The following TMEM245 variants were observed in gnomAD, a reference collection of about 807,000 sequenced individuals.
TMEM245 encodes protein CG-2.
In TMEM245, 69 loss-of-function variants were observed where a neutral mutation model predicts 101.2. The ratio of observed to expected loss-of-function variants is 0.68; its 90% CI spans 0.56 to 0.83. The LOEUF (loss-of-function observed/expected upper bound fraction) is 0.83, where lower values mean the gene tolerates loss of function less well. TMEM245 is among the 40% of genes least tolerant of loss of function. The pLI, the probability that TMEM245 is intolerant of heterozygous loss-of-function variation, is 0.00. For missense variants in TMEM245, 1,075 were observed against 1,092.8 expected, an observed-to-expected ratio of 0.98 and a Z score of 0.23; for synonymous variants, 537 against 449.8, an observed-to-expected ratio of 1.19 and a Z score of -2.45.
intron 7 of TMEM245, among the ~76,000 whole-genome samples, chr9:109,082,662 T>C (rs551550252): frequency 2.0e-4 from 30 of 146,836 alleles, no homozygotes; most frequent in African/African-American, 4.0e-4. Flanking sequence ...TTTTTTTTTT[T>C]CAGAAAAGTC....
chr9:109,090,489 G>A (rs543924848), intron 5 of TMEM245, among the ~76,000 whole-genome samples: 14 of 152,122 alleles, frequency 9.2e-5, no homozygotes, highest in East Asian at 3.9e-4. Context: ...TTGGGAGGCC[G>A]AGATGGGCAG....
chr9:109,084,663 G>A (rs1275021647), intron 7 of TMEM245, among the ~76,000 whole-genome samples: 2 of 152,200 alleles, frequency 1.3e-5, no homozygotes, highest in African/African-American at 4.8e-5. Flanking sequence ...GAGCAACGGA[G>A]CAAGACCCTG....
At position 109,016,067 on chromosome 9, in the gene TMEM245, A is replaced by G. The variant is rs1827429894; in HGVS notation, c.*4393T>C. 1 of 152,754 alleles carries G rather than the reference A, an allele frequency of 6.5e-6. No individual in the cohort carries two copies. The highest frequency in any genetic ancestry group is 6.5e-5 in the Admixed American group (1 of 15,306). The allele number at this position is 152,754 out of a possible 1,614,324, so 9.5% of individuals were successfully genotyped here. A position where few individuals can be genotyped will look rare whatever the true frequency, so the allele number is the denominator to read the frequency against. The stretch of plus-strand genomic sequence containing the variant: ...GTATTTCCATTAGGGATGTCTTCTC[A>G]AAGAGTTGTAAACTTGATCAAGGGC... On this transcript the variant is annotated 3_prime_UTR_variant, in exon 18 of 18. Transcript: ENST00000374586.
chr9:109,058,935 T>A (rs991225948), intron 11 of TMEM245, among the ~76,000 whole-genome samples: 3 of 152,132 alleles, frequency 2.0e-5, no homozygotes, highest in Admixed American at 6.5e-5. Context: ...TACAAAGAAC[T>A]GGAGCATCCC....
At chr9:109,043,499 C>T (rs757364426) in intron 14 of TMEM245, among the ~76,000 whole-genome samples, 5 of 152,182 alleles carry the variant, frequency 3.3e-5, no homozygotes, top group South Asian at 2.1e-4. Flanking sequence ...AAATATCTGC[C>T]TTTTCTTGGT....
intron 5 of TMEM245, among the ~76,000 whole-genome samples, chr9:109,090,276 A>C (rs1433412736): frequency 1.3e-5 from 2 of 151,968 alleles, no homozygotes; most frequent in African/African-American, 4.8e-5. Context: ...AAAAACAAAA[A>C]ATCATTCGAT....
At chr9:109,069,599 G>T (rs1326090585) in intron 9 of TMEM245, among the ~76,000 whole-genome samples, 1 of 152,082 alleles carries the variant, frequency 6.6e-6, no homozygotes, top group Non-Finnish European at 1.5e-5. Context: ...ATTCTGACCT[G>T]CTTTCCCCAG....
At chr9:109,105,794 C>T (rs1219389854) in intron 3 of TMEM245, among the ~76,000 whole-genome samples, 2 of 151,520 alleles carry the variant, frequency 1.3e-5, no homozygotes, top group South Asian at 2.1e-4. Context: ...TTTTTTGAGA[C>T]GGAGTCTCGC....
rs1256512657 is a variant in TMEM245 at position 109,119,718 on chromosome 9, A to C, written c.196T>G (p.Cys66Gly). Residue 66 changes from cysteine (C) to glycine (G), a missense_variant, in exon 1 of 18, where the codon TGC (cysteine) becomes GGC (glycine). Coordinates refer to ENST00000374586, the MANE Select transcript of TMEM245 (RefSeq NM_032012.4). ...TAGACCAGCACCGCGGCGCCGCAGC[A>C]CAGGCACACGAACAGCACGGCCCCG... is the stretch of plus-strand genomic sequence containing the variant. ...NTGAVLFVCL[C>G]CGAAVLVYFI... The C allele has an allele frequency of 2.6e-6, 4 of 1,548,372 alleles. No homozygotes were observed. The highest frequency in any genetic ancestry group is 3.5e-6 in the Non-Finnish European group (4 of 1,151,832).
At chr9:109,119,255 C>T (rs1486176552) in intron 1 of TMEM245, 80 bp downstream of exon 1, 3 of 1,379,188 alleles carry the variant, frequency 2.2e-6, no homozygotes, top group Non-Finnish European at 2.9e-6. Context: ...GCCCCTGCAC[C>T]GGGAGGAACA....
At chr9:109,021,707 G>C (rs934515881) in intron 17 of TMEM245, among the ~76,000 whole-genome samples, 2 of 152,056 alleles carry the variant, frequency 1.3e-5, no homozygotes, top group Non-Finnish European at 2.9e-5. Context: ...GGAGGCTAAG[G>C]TGGGAGGATC....
At position 109,093,494 on chromosome 9, in the gene TMEM245, C is replaced by T; in HGVS notation, c.897G>A (p.Gln299=). ...ITGYESSSED[Q]PSTQPAEAVD... is the part of the protein sequence containing the mutation. ...AGTCACCTGCAGGCTGAGTGGAGGG[C>T]TGGTCTTCACTGCTTGATTCATACC... The change falls in exon 4 of 18, where the codon CAG becomes CAA. Residue 299 remains glutamine (Q), a synonymous_variant. Transcript: ENST00000374586. 6.2e-7 allele frequency: 1 copy of T among 1,613,804 alleles called. No individual in the cohort carries two copies. Among genetic ancestry groups the T allele is most frequent in the Non-Finnish European group, 8.5e-7 (1 of 1,179,904 alleles).
Position 109,107,398 on chromosome 9 carries a change from CAA to C in TMEM245, c.698-791_698-790del, listed in dbSNP as rs5899836. Among the ~76,000 whole-genome samples the C allele has an allele frequency of 5.4e-3, 543 of 100,658 alleles. 2 individuals carry two copies. Among genetic ancestry groups the C allele is most frequent in the African/African-American group, 0.016 (457 of 28,084 alleles). The allele number at this position is 100,658 out of a possible 152,430, so 66.0% of individuals were successfully genotyped here. A position where few individuals can be genotyped will look rare whatever the true frequency, so the allele number is the denominator to read the frequency against. On this transcript the variant is annotated intron_variant, in intron 2 of 17. Transcript: ENST00000374586. ...TGGGCGATGGAGTGAGACTCTGTCT[CAA>C]AAAAAAAAAAAAAAAAAGTTCACAA...
At chr9:109,071,453 A>G (rs1588051134) in intron 9 of TMEM245, among the ~76,000 whole-genome samples, 1 of 151,980 alleles carries the variant, frequency 6.6e-6, no homozygotes, top group Non-Finnish European at 1.5e-5. Flanking sequence ...AAAATATAAA[A>G]ATTAGCCGAG....
intron 9 of TMEM245, among the ~76,000 whole-genome samples, chr9:109,068,838 T>TCA (rs763045464): frequency 1.1e-4 from 16 of 152,128 alleles, no homozygotes; most frequent in Non-Finnish European, 2.9e-5. Context: ...GGAGAACTGA[T>TCA]CAGTGGTTGC....
At chr9:109,050,831 T>TA (rs199816612) in intron 12 of TMEM245, 139 bp from the exon 13 acceptor site, 56,449 of 773,628 alleles carry the variant, frequency 0.073, 637 homozygotes, top group East Asian at 0.21. Context: ...AAATGAAAAT[T>TA]AAAAAAAAAA....
chr9:109,086,126 C>T lies in TMEM245; in HGVS notation c.1321-106G>A, dbSNP rs1254524528. 2.4e-6 allele frequency: 3 copies of T among 1,226,726 alleles called. No homozygotes were observed. In the Admixed American group the frequency reaches 6.8e-5, roughly 28 times the overall value. The allele number at this position is 1,226,726 out of a possible 1,614,324, so 76.0% of individuals were successfully genotyped here. A position where few individuals can be genotyped will look rare whatever the true frequency, so the allele number is the denominator to read the frequency against. ...GAAAAGGAAAGCATGAGAAGGAAAC[C>T]ATCCCAGACAAAGGAAAAACTAGGG... is the stretch of plus-strand genomic sequence containing the variant. On this transcript the variant is annotated intron_variant, in intron 6 of 17. Transcript: ENST00000374586.
intron 4 of TMEM245, among the ~76,000 whole-genome samples, chr9:109,091,400 G>A (rs534386770): frequency 2.0e-5 from 3 of 152,176 alleles, no homozygotes; most frequent in South Asian, 4.2e-4. Flanking sequence ...GATAGAATTG[G>A]GAGTCATTAA....
Position 109,119,747 on chromosome 9 carries a change from T to C in TMEM245, c.167A>G (p.Asn56Ser). Residue 56 changes from asparagine to serine, a missense_variant, in exon 1 of 18, where the codon AAC becomes AGC. Physicochemically the swap from Asn to Ser is conservative, Grantham distance 46. This residue lies in a region of TMEM245 where 808 missense variants were observed against 741.5 expected (regional missense o/e 1.09). Transcript: ENST00000374586. ...GCACACGAACAGCACGGCCCCGGTG[T>C]TGTAGAAGGCCTGCTTAATGGGCTT... ...FDKPIKQAFY[N>S]TGAVLFVCLC... is the part of the protein sequence containing the mutation. The C allele has an allele frequency of 6.6e-7, 1 of 1,526,468 alleles. No individual in the cohort carries two copies. Among genetic ancestry groups the C allele is most frequent in the Non-Finnish European group, 8.8e-7 (1 of 1,142,706 alleles). The allele number at this position is 1,526,468 out of a possible 1,614,324, so 94.6% of individuals were successfully genotyped here. A position where few individuals can be genotyped will look rare whatever the true frequency, so the allele number is the denominator to read the frequency against.
Sources: gnomAD v4.1 joint callset for allele counts (sites outside exome capture counted in the v4.1 genomes callset) on GRCh38, gnomAD v4.1.1 for gene constraint, gnomAD v4.1.1 regional missense constraint, MANE v1.5 for transcripts, NCBI Gene and HGNC (gene_info 2026-07-23, HGNC 2026-07-21) for gene names.